The following NRG3 variants were observed in gnomAD, a reference collection of about 807,000 sequenced individuals.
NRG3 encodes pro-neuregulin-3, membrane-bound isoform.
Under a neutral mutation model 66.9 loss-of-function variants are expected in NRG3, and 31 were observed. The observed-to-expected ratio is 0.46, with a 90% CI of 0.35 to 0.63. The LOEUF is 0.63. Ranked by LOEUF, NRG3 falls within the 20% of genes least tolerant of loss-of-function variation. The pLI, the probability that NRG3 is intolerant of heterozygous loss-of-function variation, is 0.00. For missense variants in NRG3, 910 were observed against 878.9 expected (o/e 1.04, Z -0.45); for synonymous variants, 393 against 359.4 (o/e 1.09, Z -1.06).
chr10:82,448,239 G>A (rs900630293), intron 2 of NRG3, among the ~76,000 whole-genome samples: 5 of 152,142 alleles, frequency 3.3e-5, no homozygotes, highest in African/African-American at 7.2e-5. Context: ...GATTTTTCTG[G>A]AGAGGAATGT....
chr10:81,906,098 T>A (rs1163614458), intron 1 of NRG3, among the ~76,000 whole-genome samples: 1 of 152,100 alleles, frequency 6.6e-6, no homozygotes. Context: ...CTCACAAAGT[T>A]TTTGTAAGAA....
At chr10:82,532,858 T>A (rs1393642027) in intron 2 of NRG3, among the ~76,000 whole-genome samples, 2 of 151,566 alleles carry the variant, frequency 1.3e-5, no homozygotes. Flanking sequence ...ATTTTTTCCA[T>A]TGATGCCGCA....
At chr10:81,885,805 T>C (rs1359489998) in intron 1 of NRG3, among the ~76,000 whole-genome samples, 1 of 152,090 alleles carries the variant, frequency 6.6e-6, no homozygotes, top group African/African-American at 2.4e-5. Context: ...TCATTGTTAG[T>C]CTATGAGGGG....
intron 1 of NRG3, among the ~76,000 whole-genome samples, chr10:81,968,341 T>C (rs1047876532): frequency 2.0e-5 from 3 of 152,194 alleles, no homozygotes; most frequent in Non-Finnish European, 4.4e-5. Flanking sequence ...GGCATGACTG[T>C]GGGCAGGGGA....
At chr10:82,930,162 G>A (rs1433672221) in intron 4 of NRG3, among the ~76,000 whole-genome samples, 1 of 152,152 alleles carries the variant, frequency 6.6e-6, no homozygotes, top group African/African-American at 2.4e-5. Context: ...AAAGAAAGAA[G>A]AGAGATGGGA....
chr10:82,825,254 A>C (rs1270085867), intron 3 of NRG3, among the ~76,000 whole-genome samples: 1 of 152,194 alleles, frequency 6.6e-6, no homozygotes, highest in Non-Finnish European at 1.5e-5. Context: ...ACCCAAGGTC[A>C]TGAAGATTTG....
intron 1 of NRG3, among the ~76,000 whole-genome samples, chr10:81,957,745 C>T (rs1849978363): frequency 6.6e-6 from 1 of 152,086 alleles, no homozygotes; most frequent in Non-Finnish European, 1.5e-5. Context: ...TAAGTTAGCA[C>T]CACTTGATAA....
chr10:82,895,451 G>GA (rs1213031959), intron 4 of NRG3, among the ~76,000 whole-genome samples: 1 of 145,912 alleles, frequency 6.9e-6, no homozygotes, highest in Non-Finnish European at 1.5e-5. Flanking sequence ...GATTATCTGA[G>GA]AAAAAAATGA....
chr10:82,408,394 G>T (rs1011927751), intron 2 of NRG3, among the ~76,000 whole-genome samples: 4 of 151,958 alleles, frequency 2.6e-5, no homozygotes, highest in African/African-American at 9.7e-5. Flanking sequence ...AGGAGTTCAT[G>T]ATTCAATTCA....
chr10:82,490,390 C>T (rs1842996555), intron 2 of NRG3, among the ~76,000 whole-genome samples: 1 of 152,112 alleles, frequency 6.6e-6, no homozygotes, highest in South Asian at 2.1e-4. Context: ...GGCCATCTTG[C>T]CCTTCTATTG....
intron 2 of NRG3, among the ~76,000 whole-genome samples, chr10:82,399,956 A>C (rs1020035944): frequency 6.6e-6 from 1 of 152,204 alleles, no homozygotes. Context: ...TTGTACTTCT[A>C]TGCCATTCAA....
At chr10:81,966,070 T>C (rs1589623907) in intron 1 of NRG3, among the ~76,000 whole-genome samples, 1 of 152,008 alleles carries the variant, frequency 6.6e-6, no homozygotes, top group East Asian at 1.9e-4. Context: ...TCATGCTTTT[T>C]CTTGTACTAA....
At chr10:81,971,920 T>C (rs967750611) in intron 1 of NRG3, among the ~76,000 whole-genome samples, 1 of 152,178 alleles carries the variant, frequency 6.6e-6, no homozygotes, top group African/African-American at 2.4e-5. Flanking sequence ...GGGTATTTAG[T>C]AGAGGACTGC....
intron 6 of NRG3, among the ~76,000 whole-genome samples, chr10:82,960,192 C>T (rs994083048): frequency 6.6e-6 from 1 of 152,166 alleles, no homozygotes; most frequent in Non-Finnish European, 1.5e-5. Context: ...GAGTCTCTTC[C>T]CAGGCAAGTT....
chr10:82,397,841 C>G (rs1444879657), intron 2 of NRG3, among the ~76,000 whole-genome samples: 1 of 152,134 alleles, frequency 6.6e-6, no homozygotes, highest in Non-Finnish European at 1.5e-5. Context: ...TGAGAGCCAT[C>G]TTATCCCAGC....
intron 1 of NRG3, among the ~76,000 whole-genome samples, chr10:82,234,874 A>G (rs895944290): frequency 2.0e-5 from 3 of 152,310 alleles, no homozygotes; most frequent in Admixed American, 6.5e-5. Flanking sequence ...GCGGGTCTCC[A>G]CTGATAACTT....
intron 3 of NRG3, among the ~76,000 whole-genome samples, chr10:82,797,251 A>T (rs945631452): frequency 6.6e-6 from 1 of 152,172 alleles, no homozygotes; most frequent in African/African-American, 2.4e-5. Flanking sequence ...TGCCATAGAA[A>T]TGGGACGTTT....
chr10:82,866,728 C>G (rs772839182), intron 4 of NRG3, among the ~76,000 whole-genome samples: 1 of 152,070 alleles, frequency 6.6e-6, no homozygotes, highest in Non-Finnish European at 1.5e-5. Flanking sequence ...ATCATGAGAG[C>G]GCTTGAACAA....
chr10:82,025,675 G>A (rs1019519373), intron 1 of NRG3, among the ~76,000 whole-genome samples: 2 of 152,120 alleles, frequency 1.3e-5, no homozygotes, highest in Middle Eastern at 3.4e-3. Context: ...TTTGGTTGAC[G>A]AGTGAGAAAA....
Sources: gnomAD v4.1 joint callset for allele counts (sites outside exome capture counted in the v4.1 genomes callset) on GRCh38, gnomAD v4.1.1 for gene constraint, MANE v1.5 for transcripts, NCBI Gene and HGNC (gene_info 2026-07-23, HGNC 2026-07-21) for gene names.